The following GLRA2 variants were observed in gnomAD, a reference collection of about 807,000 sequenced individuals.
GLRA2 encodes the protein glycine receptor subunit alpha-2.
A neutral mutation model predicts 31.6 loss-of-function variants in GLRA2; 11 were observed. The observed-to-expected ratio is 0.35, with a 90% CI of 0.22 to 0.58. GLRA2 has a LOEUF of 0.58. Among genes scored for constraint, GLRA2 ranks in the 20% least tolerant of loss-of-function variants. GLRA2 has a pLI of 0.84. For synonymous variants in GLRA2, 132 were observed against 134.0 expected (o/e 0.99, Z 0.10); for missense variants, 212 against 351.8 (o/e 0.60, Z 3.18).
intron 2 of GLRA2, among the ~76,000 whole-genome samples, chrX:14,536,480 G>T (rs2147003323): frequency 8.9e-6 from 1 of 112,280 alleles, no homozygotes; most frequent in South Asian, 3.6e-4. Flanking sequence ...AGACCAAAAT[G>T]CTTGCAAGTA....
chrX:14,700,116 G>C (rs185505728), intron 8 of GLRA2, among the ~76,000 whole-genome samples: 307 of 111,633 alleles, frequency 2.8e-3, no homozygotes, highest in Admixed American at 0.023. Context: ...GTGTGGGATA[G>C]GTGAAATGTG....
intron 4 of GLRA2, among the ~76,000 whole-genome samples, chrX:14,601,044 A>G (rs1358958221): frequency 9.7e-6 from 1 of 102,701 alleles, no homozygotes; most frequent in East Asian, 3.1e-4. Flanking sequence ...TGGTTCTTAT[A>G]TTCTGTCCTT....
At chrX:14,694,318 A>AAT (rs1225454176) in intron 8 of GLRA2, among the ~76,000 whole-genome samples, 5 of 111,748 alleles carry the variant, frequency 4.5e-5, no homozygotes, top group Admixed American at 1.9e-4. Flanking sequence ...TCACAGGTTA[A>AAT]ATATATATAT....
intron 1 of GLRA2, chrX:14,530,976 A>G: frequency 6.9e-6 from 6 of 864,689 alleles, no homozygotes; most frequent in Non-Finnish European, 7.3e-6. Context: ...TCACAGAACC[A>G]AGATAAATGG....
intron 2 of GLRA2, among the ~76,000 whole-genome samples, chrX:14,561,110 T>C (rs1320839710): frequency 8.9e-6 from 1 of 111,832 alleles, no homozygotes; most frequent in African/African-American, 3.3e-5. Context: ...CTAACGCTTG[T>C]GATAAATAGT....
At chrX:14,630,802 GCT>G (rs1491414566) in intron 7 of GLRA2, among the ~76,000 whole-genome samples, 3 of 83,910 alleles carry the variant, frequency 3.6e-5, no homozygotes, top group African/African-American at 1.4e-4. Context: ...TTTGGTCTCT[GCT>G]TTTTTTTTTT....
intron 7 of GLRA2, among the ~76,000 whole-genome samples, chrX:14,684,452 T>C (rs1721206704): frequency 8.9e-6 from 1 of 111,921 alleles, no homozygotes; most frequent in Non-Finnish European, 1.9e-5. Flanking sequence ...TCCATGAGCA[T>C]GGAATGTTCT....
chrX:14,544,192 TAAAC>T (rs755386637), intron 2 of GLRA2, among the ~76,000 whole-genome samples: 87 of 111,904 alleles, frequency 7.8e-4, no homozygotes, highest in African/African-American at 2.0e-3. Flanking sequence ...CATGAATAAA[TAAAC>T]AAACAGTGGC....
the GLRA2 span, among the ~76,000 whole-genome samples, chrX:14,460,017 A>G: frequency 2.7e-5 from 3 of 111,779 alleles, no homozygotes; most frequent in African/African-American, 9.8e-5. Context: ...TTTTGTCATA[A>G]ATAGCTCTTA....
At chrX:14,696,684 C>A (rs753014561) in intron 8 of GLRA2, among the ~76,000 whole-genome samples, 1 of 111,830 alleles carries the variant, frequency 8.9e-6, no homozygotes, top group Non-Finnish European at 1.9e-5. Flanking sequence ...ATGACCTGAG[C>A]TTCAGAGACG....
the GLRA2 span, among the ~76,000 whole-genome samples, chrX:14,515,405 CAG>C: frequency 9.0e-6 from 1 of 111,730 alleles, no homozygotes; most frequent in Non-Finnish European, 1.9e-5. Flanking sequence ...CTGATGATCC[CAG>C]TTTTTTTAAA....
chrX:14,722,393 G>A (rs2147258833), intron 8 of GLRA2, among the ~76,000 whole-genome samples: 1 of 111,037 alleles, frequency 9.0e-6, no homozygotes, highest in African/African-American at 3.3e-5. Context: ...TTGACATGGT[G>A]GCTCATGGTT....
At chrX:14,499,586 C>T in the GLRA2 span, among the ~76,000 whole-genome samples, 1 of 111,246 alleles carries the variant, frequency 9.0e-6, no homozygotes, top group African/African-American at 3.3e-5. Flanking sequence ...GGCCACTATC[C>T]TAAGCAAATT....
At chrX:14,486,192 A>G in the GLRA2 span, among the ~76,000 whole-genome samples, 1 of 111,684 alleles carries the variant, frequency 9.0e-6, no homozygotes, top group Non-Finnish European at 1.9e-5. Flanking sequence ...AATTGTGCCT[A>G]CATATACAAG....
the GLRA2 span, among the ~76,000 whole-genome samples, chrX:14,481,196 C>T: frequency 9.0e-6 from 1 of 111,123 alleles, no homozygotes; most frequent in Non-Finnish European, 1.9e-5. Flanking sequence ...TGTAGAAATG[C>T]TACTGATTTC....
chrX:14,705,276 C>T (rs1400722066), intron 8 of GLRA2, among the ~76,000 whole-genome samples: 4 of 111,776 alleles, frequency 3.6e-5, no homozygotes, highest in Non-Finnish European at 7.5e-5. Context: ...GACACGGAAG[C>T]TTTGTTTGAT....
chrX:14,613,780 T>G (rs1369896235), intron 7 of GLRA2, among the ~76,000 whole-genome samples: 1 of 110,966 alleles, frequency 9.0e-6, no homozygotes, highest in Non-Finnish European at 1.9e-5. Context: ...CCAGAGGGTC[T>G]GAATAAGATA....
At chrX:14,728,222 C>G (rs763809146) in intron 8 of GLRA2, among the ~76,000 whole-genome samples, 26 of 110,067 alleles carry the variant, frequency 2.4e-4, no homozygotes, top group Non-Finnish European at 4.5e-4. Flanking sequence ...GACCCCGTCT[C>G]TACAAAAAGT....
At chrX:14,701,811 C>A (rs1286893864) in intron 8 of GLRA2, among the ~76,000 whole-genome samples, 4 of 112,304 alleles carry the variant, frequency 3.6e-5, no homozygotes, top group African/African-American at 1.3e-4. Flanking sequence ...GGGAGTTTTG[C>A]TTTACAGATT....
Sources: gnomAD v4.1 joint callset for allele counts (sites outside exome capture counted in the v4.1 genomes callset) on GRCh38, gnomAD v4.1.1 for gene constraint, MANE v1.5 for transcripts, NCBI Gene and HGNC (gene_info 2026-07-23, HGNC 2026-07-21) for gene names.